SAMD14: variants seen among roughly 807,000 people sequenced by gnomAD.
SAMD14 encodes sterile alpha motif domain-containing protein 14.
SAMD14 carries 27 observed loss-of-function variants against 46.2 expected under a neutral mutation model. The ratio of observed to expected loss-of-function variants is 0.58; its 90% confidence interval spans 0.43 to 0.81. SAMD14 has a LOEUF of 0.81. SAMD14 is among the 30% of genes least tolerant of loss of function. The probability of loss-of-function intolerance (pLI) is 0.00; values close to 1 mark genes in which losing one functional copy is unlikely to be tolerated. For synonymous variants in SAMD14, 241 were observed against 254.3 expected (o/e 0.95, Z 0.50); for missense variants, 559 against 582.2 (o/e 0.96, Z 0.41).
At chr17:50,117,304 C>T in intron 4 of SAMD14, 103 bp downstream of exon 4, 1 of 1,146,724 alleles carries the variant, frequency 8.7e-7, no homozygotes, top group Non-Finnish European at 1.1e-6. Context: ...CCCCAGCCAC[C>T]CTGCTCAGCT....
intron 4 of SAMD14, 28 bp downstream of exon 4, chr17:50,117,379 A>G (rs1598226156): frequency 1.6e-6 from 2 of 1,282,540 alleles, no homozygotes; most frequent in Non-Finnish European, 2.0e-6. Flanking sequence ...AGCGACCAGC[A>G]GGAGGTGCGG....
intron 2 of SAMD14, among the ~76,000 whole-genome samples, chr17:50,119,288 C>T (rs938982671): frequency 1.3e-5 from 2 of 152,178 alleles, no homozygotes; most frequent in Non-Finnish European, 2.9e-5. Flanking sequence ...TGCTGCACCT[C>T]GGAATGAAGC....
chr17:50,116,051 G>T lies in SAMD14; in HGVS notation c.539C>A (p.Pro180His). The stretch of plus-strand genomic sequence containing the variant: ...AGTCTTCTTATCGAGGCCGATGGTG[G>T]GGCTGGCGGGCTCAGGAGGACTGGC... ...RDASPPEPAS[P>H]TIGLDKKTRR... Residue 180 changes from proline to histidine, a missense_variant, in exon 5 of 10, where the codon CCC (proline) becomes CAC (histidine). Physicochemically the swap from Pro to His is moderately conservative, Grantham distance 77 (BLOSUM62 -2). Coordinates refer to ENST00000330175, the MANE Select transcript of SAMD14 (RefSeq NM_001257359.2). 2.5e-6 allele frequency: 4 copies of T among 1,614,042 alleles called. No homozygotes were observed. Among genetic ancestry groups the T allele is most frequent in the Non-Finnish European group, 3.4e-6 (4 of 1,179,924 alleles).
chr17:50,127,164 A>G (rs1405877266), intron 1 of SAMD14, among the ~76,000 whole-genome samples: 1 of 152,120 alleles, frequency 6.6e-6, no homozygotes, highest in Non-Finnish European at 1.5e-5. Flanking sequence ...TAATAATAAT[A>G]AAAGAGGCAG....
At chr17:50,120,800 C>G (rs187055974) in intron 2 of SAMD14, among the ~76,000 whole-genome samples, 55 of 152,322 alleles carry the variant, frequency 3.6e-4, no homozygotes, top group Admixed American at 1.0e-3. Context: ...GGTTCTCTCC[C>G]TCACTTCCTT....
Position 50,118,267 on chromosome 17 carries a change from G to C in SAMD14, c.104C>G (p.Ala35Gly). The C allele has an allele frequency of 6.2e-7, 1 of 1,613,936 alleles. No homozygotes were observed. The highest frequency in any genetic ancestry group is 2.2e-5 in the East Asian group (1 of 44,874). ...TCTCCGGCCCTTGGCCAACAGTTGG[G>C]CCCGGGCCTTGTGTAAACTGCTGTC... ...RLDSSLHKAR[A>G]QLLAKGRRHR... is the part of the protein sequence containing the mutation. The change falls in exon 3 of 10, where the codon GCC (alanine) becomes GGC (glycine). Residue 35 changes from alanine (A) to glycine (G), a missense_variant. Physicochemically the swap from Ala to Gly is moderately conservative, Grantham distance 60. Coordinates refer to ENST00000330175, the MANE Select transcript of SAMD14 (RefSeq NM_001257359.2).
At chr17:50,114,112 C>T (rs752465053) in intron 8 of SAMD14, 33 bp from the exon 9 acceptor site, 7 of 1,613,750 alleles carry the variant, frequency 4.3e-6, no homozygotes, top group South Asian at 3.3e-5. Context: ...GAGGGGGAGG[C>T]TTGGCCTGTG....
chr17:50,115,183 A>T lies in SAMD14; in HGVS notation c.822+381T>A, dbSNP rs560163860. ...CTAGGTTGGGGTCCTGTTTGTCTCTATATCCCCCAGGCCTCACCCTACCAA... is the reference window on the plus strand; with the variant it reads ...CTAGGTTGGGGTCCTGTTTGTCTCTTTATCCCCCAGGCCTCACCCTACCAA... On this transcript the variant is annotated intron_variant, in intron 7 of 9. Coordinates refer to ENST00000330175, the MANE Select transcript of SAMD14 (RefSeq NM_001257359.2). This position sits in a 1 kb window ranked among gnomAD's most constrained non-coding sequence, Gnocchi z 5.3. 6.6e-6 allele frequency among the ~76,000 whole-genome samples: 1 copy of T among 152,138 alleles called. No individual in the cohort carries two copies. Among genetic ancestry groups the T allele is most frequent in the Non-Finnish European group, 1.5e-5 (1 of 67,982 alleles).
At position 50,117,627 on chromosome 17, in the gene SAMD14, C is replaced by A; in HGVS notation, c.279G>T (p.Pro93=). 1 of 1,559,186 alleles carries A rather than the reference C, an allele frequency of 6.4e-7. No homozygotes were observed. Among genetic ancestry groups the A allele is most frequent in the Non-Finnish European group, 8.6e-7 (1 of 1,162,470 alleles). Residue 93 remains proline (P), a synonymous_variant, in exon 4 of 10, where the codon CCG becomes CCT. Coordinates refer to ENST00000330175, the MANE Select transcript of SAMD14 (RefSeq NM_001257359.2). The part of the protein sequence containing the change: ...RSPLHSGPGS[P]AGGSFCLDPP... ...GATCCAGGCAGAAAGAGCCCCCGGC[C>A]GGGGACCCCGGGCCTGAGTGCAAAG...
chr17:50,124,864 A>C, intron 2 of SAMD14, 53 bp downstream of exon 2: 1 of 1,582,238 alleles, frequency 6.3e-7, no homozygotes, highest in Non-Finnish European at 8.7e-7. Context: ...CCCAGGAAGG[A>C]AGTACTCTAT....
At chr17:50,128,465 A>T (rs1223173365) in intron 1 of SAMD14, among the ~76,000 whole-genome samples, 5 of 115,676 alleles carry the variant, frequency 4.3e-5, no homozygotes, top group Non-Finnish European at 8.7e-5. Context: ...ACTCCCACAC[A>T]CACCCCGCAC....
In SAMD14 at chr17:50,129,263, TC is replaced by T. The variant is rs1472641402; in HGVS notation, c.-13+253del. On this transcript the variant is annotated intron_variant, in intron 1 of 9. Transcript: ENST00000330175. The surrounding 1 kb of genome is among the most constrained non-coding windows in gnomAD (Gnocchi z 5.6). Reference sequence around the variant, plus strand: ...CCGGGCAAGAAAGAGTTAAGCCCTCTCCCCCTCCCCCCACACCAGCTTTTTA... The same window carrying T: ...CCGGGCAAGAAAGAGTTAAGCCCTCTCCCCTCCCCCCACACCAGCTTTTTA... Among the ~76,000 whole-genome samples, 1 of 145,856 alleles carries T rather than the reference TC, an allele frequency of 6.9e-6. No individual in the cohort carries two copies. The highest frequency in any genetic ancestry group is 2.5e-5 in the African/African-American group (1 of 39,874).
At chr17:50,125,005 A>G (rs1567723280) in intron 1 of SAMD14, 34 bp from the exon 2 acceptor site, 1 of 1,602,682 alleles carries the variant, frequency 6.2e-7, no homozygotes, top group South Asian at 1.1e-5. Context: ...AAAGAAAAAG[A>G]GAGCCTGGGT....
intron 4 of SAMD14, 126 bp from the exon 5 acceptor site, chr17:50,116,216 C>T (rs1911191946): frequency 1.4e-6 from 2 of 1,424,868 alleles, no homozygotes; most frequent in East Asian, 2.5e-5. Flanking sequence ...GTGGCCTTCA[C>T]TAGCTGGGTG....
At chr17:50,117,261 A>C in intron 4 of SAMD14, 146 bp downstream of exon 4, 2 of 774,282 alleles carry the variant, frequency 2.6e-6, no homozygotes, top group East Asian at 6.9e-5. Context: ...CTCGGTAAAG[A>C]ATGAGTGAGC....
At chr17:50,121,034 C>G (rs1419140602) in intron 2 of SAMD14, among the ~76,000 whole-genome samples, 1 of 152,218 alleles carries the variant, frequency 6.6e-6, no homozygotes, top group African/African-American at 2.4e-5. Flanking sequence ...CTACCACAGG[C>G]AGAGAACAGT....
chr17:50,128,476 A>ACC (rs1911878136), intron 1 of SAMD14, among the ~76,000 whole-genome samples: 1 of 117,242 alleles, frequency 8.5e-6, no homozygotes, highest in Non-Finnish European at 1.8e-5. Flanking sequence ...CACCCCGCAC[A>ACC]CTCTCTCACA....
chr17:50,111,070 T>G lies in SAMD14; in HGVS notation c.*1823A>C, dbSNP rs1404539708. ...GGAGACTGAATGAGACTGGCCTGGC[T>G]GCATCCCTGGGGGAGGGGACCCACA... is the stretch of plus-strand genomic sequence containing the variant. On this transcript the variant is annotated 3_prime_UTR_variant, in exon 10 of 10. Transcript: ENST00000330175. 1 of 152,438 alleles carries G rather than the reference T, an allele frequency of 6.6e-6. No homozygotes were observed. The highest frequency in any genetic ancestry group is 1.9e-4 in the East Asian group (1 of 5,200). 9.4% of individuals were successfully genotyped at this position (152,438 alleles called of 1,614,324 possible).
In SAMD14 at chr17:50,113,018, C is replaced by T; in HGVS notation, c.1129G>A (p.Ala377Thr). Reference protein sequence around the residue: ...SLGLSNSHDRALVKRKLKEMA... With the variant: ...SLGLSNSHDRTLVKRKLKEMA... ...TCCTTCAACTTGCGCTTCACCAGTGCCCGGTCATGAGAGTTGCTGAGCCCC... is the reference window on the plus strand; with the variant it reads ...TCCTTCAACTTGCGCTTCACCAGTGTCCGGTCATGAGAGTTGCTGAGCCCC... The change falls in exon 10 of 10, where the codon GCA becomes ACA. Residue 377 changes from alanine to threonine, a missense_variant. Coordinates refer to ENST00000330175, the MANE Select transcript of SAMD14 (RefSeq NM_001257359.2). The T allele has an allele frequency of 6.2e-7, 1 of 1,612,522 alleles. No individual in the cohort carries two copies. Among genetic ancestry groups the T allele is most frequent in the Non-Finnish European group, 8.5e-7 (1 of 1,179,990 alleles).
Sources: gnomAD v4.1 joint callset for allele counts (sites outside exome capture counted in the v4.1 genomes callset) on GRCh38, gnomAD v4.1.1 for gene constraint, Gnocchi (gnomAD v3.1) non-coding constraint, MANE v1.5 for transcripts, NCBI Gene and HGNC (gene_info 2026-07-23, HGNC 2026-07-21) for gene names.